OSBPL8: variants seen among roughly 807,000 people sequenced by gnomAD.
The protein encoded by OSBPL8 is oxysterol binding protein like 8.
In OSBPL8, 59 loss-of-function variants were observed where a neutral mutation model predicts 125.5. The ratio of observed to expected loss-of-function variants is 0.47; its 90% CI spans 0.38 to 0.58. OSBPL8 has a LOEUF of 0.58. Ranked by LOEUF, OSBPL8 falls within the 20% of genes least tolerant of loss-of-function variation. The pLI is 0.00. For synonymous variants in OSBPL8, 330 were observed against 338.9 expected, an observed-to-expected ratio of 0.97 and a Z score of 0.29; for missense variants, 758 against 1,047.8, an observed-to-expected ratio of 0.72 and a Z score of 3.82.
chr12:76,378,646 T>C, intron 15 of OSBPL8, 96 bp from the exon 16 acceptor site: 3 of 801,780 alleles, frequency 3.7e-6, no homozygotes, highest in Non-Finnish European at 6.0e-6. Flanking sequence ...ACATCTACAG[T>C]AGAAAGTCTT....
At chr12:76,453,054 T>C (rs937998915) in intron 3 of OSBPL8, among the ~76,000 whole-genome samples, 41 of 152,128 alleles carry the variant, frequency 2.7e-4, no homozygotes, top group Admixed American at 2.6e-3. Flanking sequence ...CTATTATCAC[T>C]TTACCTTACA....
At chr12:76,387,940 T>C (rs944612169) in intron 12 of OSBPL8, among the ~76,000 whole-genome samples, 8 of 152,212 alleles carry the variant, frequency 5.3e-5, no homozygotes, top group Non-Finnish European at 8.8e-5. Flanking sequence ...CCTCTATAGG[T>C]AACTTTTTAA....
intron 1 of OSBPL8, among the ~76,000 whole-genome samples, chr12:76,503,952 T>C (rs374580415): frequency 1.3e-5 from 2 of 152,160 alleles, no homozygotes; most frequent in East Asian, 3.8e-4. Flanking sequence ...ACTCAGTTGT[T>C]TGGTTAAACA....
chr12:76,523,824 A>T (rs1231382890), intron 1 of OSBPL8, among the ~76,000 whole-genome samples: 2 of 152,228 alleles, frequency 1.3e-5, no homozygotes, highest in Admixed American at 6.5e-5. Flanking sequence ...CAGCCCAAGC[A>T]GACTTAGACA....
At chr12:76,450,638 T>C (rs373531279) in intron 4 of OSBPL8, among the ~76,000 whole-genome samples, 3 of 151,812 alleles carry the variant, frequency 2.0e-5, no homozygotes, top group Non-Finnish European at 4.4e-5. Context: ...ACGAAGTATG[T>C]TGGAGAATAT....
chr12:76,413,811 TAAGAATTC>T (rs1868332247), intron 4 of OSBPL8, among the ~76,000 whole-genome samples: 1 of 152,144 alleles, frequency 6.6e-6, no homozygotes, highest in African/African-American at 2.4e-5. Context: ...TCTTATTATA[TAAGAATTC>T]TTGATATAGT....
intron 1 of OSBPL8, among the ~76,000 whole-genome samples, chr12:76,502,571 G>A (rs1291035761): frequency 2.0e-5 from 3 of 152,188 alleles, no homozygotes; most frequent in East Asian, 1.9e-4. Context: ...TTTCAGATAC[G>A]ATGGGATATT....
intron 21 of OSBPL8, among the ~76,000 whole-genome samples, chr12:76,363,082 A>G (rs1443627521): frequency 6.6e-6 from 1 of 152,248 alleles, no homozygotes; most frequent in African/African-American, 2.4e-5. Flanking sequence ...GGAAGAATCA[A>G]TATCGTGAAA....
rs1199817164 is a variant in OSBPL8 at position 76,352,234 on chromosome 12, TAATA to T, written c.*3651_*3654del. Reference sequence around the variant, plus strand: ...TTTGATACTGTAAAACAGTTTTACATAATAAATGCAAAAAGATAACATTTTCTAA... The same window carrying T: ...TTTGATACTGTAAAACAGTTTTACATAATGCAAAAAGATAACATTTTCTAA... On this transcript the variant is annotated 3_prime_UTR_variant, in exon 24 of 24. Coordinates refer to ENST00000261183, the MANE Select transcript of OSBPL8 (RefSeq NM_020841.5). The T allele has an allele frequency of 6.6e-6, 1 of 152,524 alleles. No homozygotes were observed. The highest frequency in any genetic ancestry group is 1.5e-5 in the Non-Finnish European group (1 of 68,020). The allele number at this position is 152,524 out of a possible 1,614,324, so 9.4% of individuals were successfully genotyped here. A position where few individuals can be genotyped will look rare whatever the true frequency, so the allele number is the denominator to read the frequency against.
intron 4 of OSBPL8, chr12:76,422,816 C>A: frequency 3.9e-6 from 1 of 257,516 alleles, no homozygotes; most frequent in South Asian, 4.5e-5. Context: ...ACTGTCAAAT[C>A]AGCAATAAAC....
At chr12:76,405,602 C>T (rs1311832466) in intron 5 of OSBPL8, among the ~76,000 whole-genome samples, 2 of 152,216 alleles carry the variant, frequency 1.3e-5, no homozygotes, top group Non-Finnish European at 2.9e-5. Flanking sequence ...GAATCTTTAA[C>T]TCACATATCT....
chr12:76,357,363 G>C (rs1255055482), intron 22 of OSBPL8, among the ~76,000 whole-genome samples: 2 of 152,138 alleles, frequency 1.3e-5, no homozygotes, highest in South Asian at 4.1e-4. Flanking sequence ...ATAAATGTCT[G>C]CTGATACATT....
intron 10 of OSBPL8, 58 bp from the exon 11 acceptor site, chr12:76,390,715 T>A: frequency 1.0e-6 from 1 of 989,426 alleles, no homozygotes. Flanking sequence ...GCTCAATTCA[T>A]AAATAATAAT....
At chr12:76,470,568 T>A (rs1028667118) in intron 2 of OSBPL8, among the ~76,000 whole-genome samples, 1 of 152,224 alleles carries the variant, frequency 6.6e-6, no homozygotes, top group Admixed American at 6.5e-5. Flanking sequence ...TATAGAGATA[T>A]GTGAGCCTAC....
intron 4 of OSBPL8, 86 bp downstream of exon 4, chr12:76,450,762 TATG>T: frequency 7.6e-7 from 1 of 1,317,728 alleles, no homozygotes. Context: ...AGAAAAAAAA[TATG>T]ATAGTCCCCA....
rs11459293 is a variant in OSBPL8, at chr12:76,369,312, G to GAAAAA, written c.2241-16_2241-12dup. ...TCCCATGGTCGGGTACTACATAAATGAAAAAAAAAAAAACCATTTGCTCAA... is the reference window on the plus strand; with the variant it reads ...TCCCATGGTCGGGTACTACATAAATGAAAAAAAAAAAAAAAAAACCATTTGCTCAA... On this transcript the variant is annotated splice_polypyrimidine_tract_variant and intron_variant, in intron 20 of 23. Transcript: ENST00000261183. The GAAAAA allele has an allele frequency of 1.4e-6, 2 of 1,409,770 alleles. No individual in the cohort carries two copies. Among genetic ancestry groups the GAAAAA allele is most frequent in the Non-Finnish European group, 1.9e-6 (2 of 1,058,262 alleles). 87.3% of individuals were successfully genotyped at this position (1,409,770 alleles called of 1,614,324 possible).
intron 1 of OSBPL8, among the ~76,000 whole-genome samples, chr12:76,552,939 A>G (rs1313459411): frequency 2.0e-5 from 3 of 152,202 alleles, no homozygotes; most frequent in Non-Finnish European, 1.5e-5. Context: ...ACTCCACACT[A>G]TGATGCACAG....
intron 1 of OSBPL8, among the ~76,000 whole-genome samples, chr12:76,517,708 G>A (rs1196404619): frequency 6.6e-6 from 1 of 152,146 alleles, no homozygotes; most frequent in Non-Finnish European, 1.5e-5. Context: ...CATGGCTCTG[G>A]CATCTGCTCA....
intron 1 of OSBPL8, among the ~76,000 whole-genome samples, chr12:76,531,167 G>A (rs1950329871): frequency 6.6e-6 from 1 of 152,208 alleles, no homozygotes; most frequent in Non-Finnish European, 1.5e-5. Flanking sequence ...TGGCAGGACA[G>A]AGAAGAGTGA....
Sources: allele counts gnomAD v4.1 joint callset (sites outside exome capture counted in the v4.1 genomes callset), GRCh38; gene constraint gnomAD v4.1.1; transcripts MANE v1.5; gene names NCBI Gene and HGNC (gene_info 2026-07-23, HGNC 2026-07-21).